LSAMP: variants seen among roughly 807,000 people sequenced by gnomAD.
LSAMP encodes limbic system-associated membrane protein.
LSAMP carries 7 observed loss-of-function variants against 38.6 expected under a neutral mutation model. The observed-to-expected ratio is 0.18, with a 90% CI of 0.10 to 0.34. LSAMP has a LOEUF of 0.34. Ranked by LOEUF, LSAMP falls within the 10% of genes least tolerant of loss-of-function variation. The pLI is 1.00. For missense variants in LSAMP, 313 were observed against 420.0 expected (o/e 0.75, Z 2.23); for synonymous variants, 154 against 166.8 (o/e 0.92, Z 0.59).
chr3:116,221,199 A>C (rs1391941464), intron 1 of LSAMP, among the ~76,000 whole-genome samples: 5 of 151,708 alleles, frequency 3.3e-5, no homozygotes, highest in Non-Finnish European at 7.4e-5. Flanking sequence ...ATATAACCGA[A>C]ACATTTATTT....
At chr3:115,833,543 C>T (rs1233449265) in intron 6 of LSAMP, among the ~76,000 whole-genome samples, 2 of 151,738 alleles carry the variant, frequency 1.3e-5, no homozygotes, top group Non-Finnish European at 2.9e-5. Flanking sequence ...CATATACATG[C>T]AAAACATTGC....
chr3:116,286,785 A>G (rs1005297053), intron 1 of LSAMP, among the ~76,000 whole-genome samples: 1 of 152,098 alleles, frequency 6.6e-6, no homozygotes, highest in African/African-American at 2.4e-5. Flanking sequence ...TTTGGCATCT[A>G]GCAAATTTTT....
chr3:115,849,936 T>C (rs1393775628), intron 4 of LSAMP, among the ~76,000 whole-genome samples: 1 of 152,200 alleles, frequency 6.6e-6, no homozygotes, highest in Non-Finnish European at 1.5e-5. Context: ...TATCTGTGAA[T>C]TTTTCACCTA....
chr3:116,170,274 T>A (rs1156872891), intron 1 of LSAMP, among the ~76,000 whole-genome samples: 1 of 151,156 alleles, frequency 6.6e-6, no homozygotes, highest in East Asian at 1.9e-4. Context: ...TGGCTTGTTT[T>A]ATAAGCCAAT....
At chr3:115,868,221 G>C (rs1273676745) in intron 3 of LSAMP, among the ~76,000 whole-genome samples, 1 of 152,094 alleles carries the variant, frequency 6.6e-6, no homozygotes, top group Non-Finnish European at 1.5e-5. Flanking sequence ...TGGGCCATTG[G>C]CATGGGAAAT....
At chr3:116,265,877 A>G (rs1207139297) in intron 1 of LSAMP, among the ~76,000 whole-genome samples, 1 of 152,222 alleles carries the variant, frequency 6.6e-6, no homozygotes, top group Non-Finnish European at 1.5e-5. Flanking sequence ...ATCTCAAAAC[A>G]TAAGGCAGAG....
At chr3:116,102,066 T>C (rs1402761429) in intron 1 of LSAMP, among the ~76,000 whole-genome samples, 1 of 152,168 alleles carries the variant, frequency 6.6e-6, no homozygotes, top group Non-Finnish European at 1.5e-5. Context: ...CATTTCACTG[T>C]GAAATTAGCA....
intron 1 of LSAMP, among the ~76,000 whole-genome samples, chr3:116,140,996 A>G (rs1279089794): frequency 2.6e-5 from 4 of 151,858 alleles, no homozygotes; most frequent in African/African-American, 9.7e-5. Context: ...GAATTATGAA[A>G]ATAATACCCA....
intron 6 of LSAMP, among the ~76,000 whole-genome samples, chr3:115,828,952 A>G (rs1273814803): frequency 6.6e-6 from 1 of 152,204 alleles, no homozygotes; most frequent in Non-Finnish European, 1.5e-5. Flanking sequence ...AAAACCAGGA[A>G]GAGGCATTAG....
intron 1 of LSAMP, among the ~76,000 whole-genome samples, chr3:116,435,487 CTTGT>C (rs72145240): frequency 0.18 from 26,680 of 151,906 alleles, 2,523 homozygotes; most frequent in Middle Eastern, 0.27. Flanking sequence ...TTGATAAGAC[CTTGT>C]TGGATATCTC....
chr3:116,202,759 A>G (rs1341169250), intron 1 of LSAMP, among the ~76,000 whole-genome samples: 1 of 151,974 alleles, frequency 6.6e-6, no homozygotes, highest in Non-Finnish European at 1.5e-5. Context: ...TATATTCAAC[A>G]CTAGTTCCAG....
At chr3:116,370,707 TC>T (rs2048419391) in intron 1 of LSAMP, among the ~76,000 whole-genome samples, 1 of 152,142 alleles carries the variant, frequency 6.6e-6, no homozygotes, top group Admixed American at 6.5e-5. Context: ...AGAGGTGCCA[TC>T]CGTGGTTGTT....
At chr3:116,093,063 A>G (rs2107437050) in intron 1 of LSAMP, among the ~76,000 whole-genome samples, 1 of 152,272 alleles carries the variant, frequency 6.6e-6, no homozygotes, top group African/African-American at 2.4e-5. Flanking sequence ...AGTTATCTAT[A>G]CTCATATTTA....
At chr3:116,221,172 G>GAAAAAAAAAAA (rs1275673221) in intron 1 of LSAMP, among the ~76,000 whole-genome samples, 12 of 66,548 alleles carry the variant, frequency 1.8e-4, no homozygotes, top group East Asian at 5.5e-4. Context: ...AAAAAAAAAG[G>GAAAAAAAAAAA]AAAGGGGCAG....
chr3:115,812,491 C>T (rs928419745), intron 6 of LSAMP, among the ~76,000 whole-genome samples: 10 of 152,238 alleles, frequency 6.6e-5, no homozygotes, highest in Admixed American at 5.2e-4. Context: ...TACTCCCACC[C>T]TTTTTGGACT....
At chr3:115,870,072 A>C (rs143422263) in intron 3 of LSAMP, among the ~76,000 whole-genome samples, 3,453 of 152,222 alleles carry the variant, frequency 0.023, 55 homozygotes, top group Non-Finnish European at 0.036. Context: ...ATTATATAAA[A>C]TTTAAATTTC....
chr3:115,953,443 A>ACACACACACACACAC (rs71141846), intron 3 of LSAMP, among the ~76,000 whole-genome samples: 19 of 141,908 alleles, frequency 1.3e-4, no homozygotes, highest in East Asian at 6.1e-4. Flanking sequence ...ACACACACAC[A>ACACACACACACACAC]ATGTCTAAAA....
At chr3:116,289,101 G>T (rs1297071886) in intron 1 of LSAMP, among the ~76,000 whole-genome samples, 1 of 152,132 alleles carries the variant, frequency 6.6e-6, no homozygotes, top group Non-Finnish European at 1.5e-5. Context: ...AAAATTTCAT[G>T]AGAGAAACAA....
intron 1 of LSAMP, among the ~76,000 whole-genome samples, chr3:116,247,126 A>G (rs1005711461): frequency 8.5e-5 from 13 of 152,212 alleles, no homozygotes; most frequent in African/African-American, 3.1e-4. Flanking sequence ...GTTAGACATA[A>G]AAGTAAGGTC....
Sources: gnomAD v4.1 joint callset for allele counts (sites outside exome capture counted in the v4.1 genomes callset) on GRCh38, gnomAD v4.1.1 for gene constraint, MANE v1.5 for transcripts, NCBI Gene and HGNC (gene_info 2026-07-23, HGNC 2026-07-21) for gene names.